Variants in ITGA9 observed in about 807,000 individuals in gnomAD.
ITGA9 encodes the protein integrin alpha-9.
ITGA9 carries 56 observed loss-of-function variants against 127.8 expected under a neutral mutation model. The observed-to-expected ratio is 0.44, with a 90% CI of 0.35 to 0.55. The LOEUF (loss-of-function observed/expected upper bound fraction) is 0.55, where lower values mean the gene tolerates loss of function less well. Among genes scored for constraint, ITGA9 ranks in the 20% least tolerant of loss-of-function variants. ITGA9 has a pLI of 0.00. For missense variants in ITGA9, 1,196 were observed against 1,347.1 expected (o/e 0.89, Z 1.76); for synonymous variants, 508 against 514.5 (o/e 0.99, Z 0.17).
chr3:37,618,783 C>T (rs546364820), intron 15 of ITGA9, among the ~76,000 whole-genome samples: 6 of 152,310 alleles, frequency 3.9e-5, no homozygotes, highest in Non-Finnish European at 7.3e-5. Context: ...ATAATCTCCT[C>T]GTGTGCTGTT....
intron 15 of ITGA9, among the ~76,000 whole-genome samples, chr3:37,584,423 C>A (rs935001329): frequency 2.6e-5 from 4 of 152,024 alleles, no homozygotes; most frequent in African/African-American, 9.7e-5. Context: ...GTGAGAGGAA[C>A]CTTAGAGTCA....
intron 15 of ITGA9, among the ~76,000 whole-genome samples, chr3:37,582,675 G>C (rs570488293): frequency 7.4e-4 from 112 of 152,296 alleles, no homozygotes; most frequent in African/African-American, 2.5e-3. Context: ...AGTGGGTTCT[G>C]TACAATCCCA....
intron 15 of ITGA9, among the ~76,000 whole-genome samples, chr3:37,624,499 G>C (rs1700158191): frequency 6.6e-6 from 1 of 152,026 alleles, no homozygotes. Context: ...CCCCAGTCCT[G>C]CACCCATCAG....
At chr3:37,751,451 A>G (rs1270992785) in intron 23 of ITGA9, among the ~76,000 whole-genome samples, 1 of 152,158 alleles carries the variant, frequency 6.6e-6, no homozygotes. Context: ...TTCTCTTCCT[A>G]GAGCATGCTT....
chr3:37,580,691 A>G (rs1018475160), intron 15 of ITGA9, among the ~76,000 whole-genome samples: 2 of 151,452 alleles, frequency 1.3e-5, no homozygotes, highest in Non-Finnish European at 2.9e-5. Context: ...TCTCTTTTTT[A>G]TCCTGGATGT....
chr3:37,649,825 C>T (rs1479294869), intron 16 of ITGA9, among the ~76,000 whole-genome samples: 1 of 152,214 alleles, frequency 6.6e-6, no homozygotes, highest in African/African-American at 2.4e-5. Context: ...GGTCACAAAA[C>T]AAATCTTAGC....
intron 15 of ITGA9, among the ~76,000 whole-genome samples, chr3:37,583,294 T>G (rs1699727233): frequency 6.6e-6 from 1 of 152,198 alleles, no homozygotes; most frequent in South Asian, 2.1e-4. Flanking sequence ...CCACTGTATT[T>G]TATTTGAGGA....
chr3:37,627,977 C>G (rs371830599), intron 15 of ITGA9, among the ~76,000 whole-genome samples: 7 of 152,240 alleles, frequency 4.6e-5, no homozygotes, highest in Admixed American at 3.9e-4. Flanking sequence ...GGGGTGGGAG[C>G]AAATTCCTCC....
At chr3:37,651,712 A>T (rs1258266311) in intron 16 of ITGA9, among the ~76,000 whole-genome samples, 1 of 152,176 alleles carries the variant, frequency 6.6e-6, no homozygotes, top group Non-Finnish European at 1.5e-5. Flanking sequence ...AGGGACTCAG[A>T]GAAGTGGTCT....
At chr3:37,585,637 T>C (rs750342632) in intron 15 of ITGA9, 5 of 516,490 alleles carry the variant, frequency 9.7e-6, no homozygotes, top group South Asian at 5.6e-5. Context: ...GAAGGGAACA[T>C]GAAGAATGTT....
chr3:37,564,344 C>T lies in ITGA9; in HGVS notation c.1689+21759C>T, dbSNP rs186058323. On this transcript the variant is annotated intron_variant, in intron 15 of 27. Coordinates refer to ENST00000264741, the MANE Select transcript of ITGA9 (RefSeq NM_002207.3). ...AGATTTTTCTCTAGGTCCTTCTCAT[C>T]GATAAGACCTGTTTCAAGATATGGC... Among the ~76,000 whole-genome samples the T allele has an allele frequency of 3.6e-4, 55 of 152,282 alleles. No homozygotes were observed. In the East Asian group the frequency reaches 9.2e-3, roughly 26 times the overall value.
intron 23 of ITGA9, among the ~76,000 whole-genome samples, chr3:37,763,761 A>G (rs888209343): frequency 1.3e-5 from 2 of 152,218 alleles, no homozygotes; most frequent in Non-Finnish European, 2.9e-5. Flanking sequence ...AACCCAAAAC[A>G]AAAATGAACA....
intron 15 of ITGA9, among the ~76,000 whole-genome samples, chr3:37,587,894 A>G (rs1699773735): frequency 6.6e-6 from 1 of 152,016 alleles, no homozygotes; most frequent in African/African-American, 2.4e-5. Context: ...TGTTAAACGG[A>G]CTCTCCTGCC....
intron 15 of ITGA9, among the ~76,000 whole-genome samples, chr3:37,590,290 T>A (rs1365565652): frequency 6.6e-6 from 1 of 152,156 alleles, no homozygotes; most frequent in Non-Finnish European, 1.5e-5. Context: ...CCCCCTGTTC[T>A]CCTGGCTGGC....
chr3:37,503,761 A>G (rs1222134400), intron 6 of ITGA9, among the ~76,000 whole-genome samples: 1 of 152,240 alleles, frequency 6.6e-6, no homozygotes, highest in Non-Finnish European at 1.5e-5. Context: ...AAGGTTAATT[A>G]AAGGCTCAGA....
At chr3:37,627,969 G>T (rs1278479257) in intron 15 of ITGA9, among the ~76,000 whole-genome samples, 1 of 152,130 alleles carries the variant, frequency 6.6e-6, no homozygotes, top group Non-Finnish European at 1.5e-5. Context: ...GTCGGGGAGG[G>T]GTGGGAGCAA....
intron 23 of ITGA9, among the ~76,000 whole-genome samples, chr3:37,763,687 C>T (rs1418351756): frequency 3.9e-5 from 6 of 152,364 alleles, no homozygotes; most frequent in African/African-American, 9.6e-5. Flanking sequence ...TCCCCTGCAG[C>T]CAGCTTATTG....
At chr3:37,479,931 G>T (rs1294582197) in intron 3 of ITGA9, among the ~76,000 whole-genome samples, 3 of 152,146 alleles carry the variant, frequency 2.0e-5, no homozygotes, top group Non-Finnish European at 4.4e-5. Flanking sequence ...CCATAAGAAC[G>T]CTAAATGTTA....
chr3:37,462,649 GC>G (rs1698327641), intron 1 of ITGA9, among the ~76,000 whole-genome samples: 1 of 152,154 alleles, frequency 6.6e-6, no homozygotes. Flanking sequence ...CTCCATCAAG[GC>G]CCTGTCCAAG....
Sources: allele counts gnomAD v4.1 joint callset (sites outside exome capture counted in the v4.1 genomes callset), GRCh38; gene constraint gnomAD v4.1.1; transcripts MANE v1.5; gene names NCBI Gene and HGNC (gene_info 2026-07-23, HGNC 2026-07-21).